Variants in WDHD1 observed in about 807,000 individuals in gnomAD.
WDHD1 encodes the protein WD repeat and HMG-box DNA binding protein 1, also known as WD repeat and HMG-box DNA-binding protein 1.
WDHD1 carries 111 observed loss-of-function variants against 135.4 expected under a neutral mutation model. That is an observed-to-expected ratio of 0.82 (90% confidence interval 0.70 to 0.96). The LOEUF (loss-of-function observed/expected upper bound fraction) is 0.96, where lower values mean the gene tolerates loss of function less well. WDHD1 is among the 40% of genes least tolerant of loss of function. The probability of loss-of-function intolerance (pLI) is 0.00; values close to 1 mark genes in which losing one functional copy is unlikely to be tolerated. For synonymous variants in WDHD1, 434 were observed against 439.0 expected (o/e 0.99, Z 0.14); for missense variants, 1,351 against 1,336.3 (o/e 1.01, Z -0.17).
intron 7 of WDHD1, among the ~76,000 whole-genome samples, chr14:55,006,485 C>T (rs2042071767): frequency 6.6e-6 from 1 of 152,164 alleles, no homozygotes; most frequent in Non-Finnish European, 1.5e-5. Context: ...AATTTTGCTT[C>T]CAGTTACCTT....
At chr14:54,960,661 G>A (rs1157254375) in intron 21 of WDHD1, among the ~76,000 whole-genome samples, 1 of 151,698 alleles carries the variant, frequency 6.6e-6, no homozygotes, top group Admixed American at 6.6e-5. Context: ...CACCATGCCC[G>A]GCTAATTTTT....
At chr14:54,985,794 T>C (rs749927804) in intron 14 of WDHD1, among the ~76,000 whole-genome samples, 16 of 152,176 alleles carry the variant, frequency 1.1e-4, no homozygotes, top group East Asian at 1.9e-4. Flanking sequence ...TTCCATAGAA[T>C]TGACATGATG....
chr14:55,005,993 T>A (rs2042062781), intron 7 of WDHD1, among the ~76,000 whole-genome samples: 1 of 151,980 alleles, frequency 6.6e-6, no homozygotes, highest in Non-Finnish European at 1.5e-5. Context: ...GTCTCCCAAG[T>A]AGATGGGACT....
At chr14:54,993,824 AT>A (rs2041833523) in intron 11 of WDHD1, among the ~76,000 whole-genome samples, 1 of 152,136 alleles carries the variant, frequency 6.6e-6, no homozygotes, top group Admixed American at 6.5e-5. Flanking sequence ...GTGAATAAAT[AT>A]TTTTAAATTT....
At chr14:54,969,791 A>C (rs933135065) in intron 16 of WDHD1, among the ~76,000 whole-genome samples, 3 of 152,192 alleles carry the variant, frequency 2.0e-5, no homozygotes, top group African/African-American at 7.2e-5. Context: ...CACAGATATA[A>C]AAATCCTCAA....
rs536555073 is a variant in WDHD1, at chr14:55,022,443, C to CA, written c.77+4267dup. Among the ~76,000 whole-genome samples, 630 of 152,192 alleles carry CA rather than the reference C, an allele frequency of 4.1e-3. 3 individuals are homozygous for CA. Among genetic ancestry groups the CA allele is most frequent in the Non-Finnish European group, 7.1e-3 (482 of 68,022 alleles). On this transcript the variant is annotated intron_variant, in intron 2 of 25. Coordinates refer to ENST00000360586, the MANE Select transcript of WDHD1 (RefSeq NM_007086.4). ...ATGTTCTTTGTGGCATTTTTCCCCC[C>CA]ACAGAATAGGGCACTTTAGTCTACA...
intron 2 of WDHD1, among the ~76,000 whole-genome samples, chr14:55,023,884 G>A (rs1489707362): frequency 5.9e-5 from 9 of 152,114 alleles, no homozygotes; most frequent in Admixed American, 5.2e-4. Flanking sequence ...TCTCTTGACT[G>A]CGGATGGTCT....
At chr14:54,953,246 A>G (rs1169252727) in intron 24 of WDHD1, among the ~76,000 whole-genome samples, 1 of 152,262 alleles carries the variant, frequency 6.6e-6, no homozygotes, top group Non-Finnish European at 1.5e-5. Context: ...GCTAATATCC[A>G]GAATCTACAA....
rs1939625296 is a variant in WDHD1, at chr14:54,987,396, T to TA, written c.1527-10dup. On this transcript the variant is annotated splice_polypyrimidine_tract_variant and intron_variant, in intron 13 of 25. Transcript: ENST00000360586. ...GCAGGCAGTGAAGCTTGCTAAAAAT[T>TA]AAAACAAGACAGAAACAATCAAACT... 1 of 1,592,304 alleles carries TA rather than the reference T, an allele frequency of 6.3e-7. No individual in the cohort carries two copies. Among genetic ancestry groups the TA allele is most frequent in the Admixed American group, 1.7e-5 (1 of 58,084 alleles).
rs2041277058 is a variant in WDHD1, at chr14:54,962,964, T to C, written c.2519A>G (p.Lys840Arg). Reference sequence around the variant, plus strand: ...AATTATTTCTTACCCAGCATTCAGCTTTTTTCTGAAATCTTCTTCTTCTTC... The same window carrying C: ...AATTATTTCTTACCCAGCATTCAGCCTTTTTCTGAAATCTTCTTCTTCTTC... ...EEEEEEDFRK[K>R]LNAGYSNTAT... is the part of the protein sequence containing the mutation. Residue 840 changes from lysine to arginine, a missense_variant, in exon 19 of 26, where the codon AAG (lysine) becomes AGG (arginine). Transcript: ENST00000360586. The C allele has an allele frequency of 6.2e-7, 1 of 1,613,842 alleles. No homozygotes were observed. Among genetic ancestry groups the C allele is most frequent in the Non-Finnish European group, 8.5e-7 (1 of 1,179,996 alleles).
At chr14:54,985,497 T>C (rs773309396) in intron 14 of WDHD1, among the ~76,000 whole-genome samples, 12 of 151,968 alleles carry the variant, frequency 7.9e-5, no homozygotes, top group Non-Finnish European at 1.3e-4. Flanking sequence ...AGAGATGAGG[T>C]TGGAGAGGCA....
intron 5 of WDHD1, 32 bp from the exon 6 acceptor site, chr14:55,008,398 T>C (rs1247776803): frequency 1.2e-6 from 2 of 1,605,270 alleles, no homozygotes; most frequent in African/African-American, 2.7e-5. Context: ...TTCTCTATAG[T>C]CATAGCCATA....
At chr14:55,006,878 A>T (rs113907952) in intron 7 of WDHD1, among the ~76,000 whole-genome samples, 5 of 152,268 alleles carry the variant, frequency 3.3e-5, no homozygotes, top group South Asian at 2.1e-4. Context: ...AAAAGTAATT[A>T]AAAAAACTAT....
At chr14:55,004,715 A>T in intron 7 of WDHD1, 1 of 353,558 alleles carries the variant, frequency 2.8e-6, no homozygotes. Context: ...AGCCTCCCAA[A>T]GTGCTGGGAT....
rs974037851 is a variant in WDHD1, at chr14:54,966,338, A to AAAC, written c.2310+136_2310+137insGTT. On this transcript the variant is annotated intron_variant, in intron 18 of 25. Coordinates refer to ENST00000360586, the MANE Select transcript of WDHD1 (RefSeq NM_007086.4). ...TGACAGAACGAGACTCCGTCGCACA[A>AAAC]AAAACAACAACAACAACAAAAAAAA... 4.3e-5 allele frequency: 49 copies of AAAC among 1,136,376 alleles called. No homozygotes were observed. In the African/African-American group the frequency reaches 1.0e-3, roughly 24 times the overall value. 70.4% of individuals were successfully genotyped at this position (1,136,376 alleles called of 1,614,324 possible).
rs1201953359 is a variant in WDHD1 at position 54,986,319 on chromosome 14, ATTTCT to A, written c.1768+822_1768+826del. 3.3e-5 allele frequency among the ~76,000 whole-genome samples: 5 copies of A among 152,186 alleles called. No homozygotes were observed. The East Asian group carries it at 7.7e-4, about 23-fold the overall frequency. ...TTTATAGAACAGTTATATAGAATATATTTCTTTTCTTCTGTTTTTCTTTTAAAAAT... is the reference window on the plus strand; with the variant it reads ...TTTATAGAACAGTTATATAGAATATATTTCTTCTGTTTTTCTTTTAAAAAT... On this transcript the variant is annotated intron_variant, in intron 14 of 25. Transcript: ENST00000360586.
At chr14:54,962,250 A>AC (rs1311615360) in intron 21 of WDHD1, among the ~76,000 whole-genome samples, 2 of 152,232 alleles carry the variant, frequency 1.3e-5, no homozygotes, top group East Asian at 1.9e-4. Flanking sequence ...ACAGAGATCA[A>AC]CCACACATGT....
intron 6 of WDHD1, among the ~76,000 whole-genome samples, 178 bp from the exon 7 acceptor site, chr14:55,007,553 T>A (rs909977281): frequency 6.6e-6 from 1 of 152,156 alleles, no homozygotes; most frequent in Admixed American, 6.5e-5. Context: ...CCTTCAAAGG[T>A]ATGATGAGTA....
At chr14:54,978,918 AGAACT>A (rs2041572019) in intron 16 of WDHD1, among the ~76,000 whole-genome samples, 1 of 152,164 alleles carries the variant, frequency 6.6e-6, no homozygotes, top group African/African-American at 2.4e-5. Context: ...TTCCCTTTCC[AGAACT>A]GATGAAATGT....
Sources: gnomAD v4.1 joint callset for allele counts (sites outside exome capture counted in the v4.1 genomes callset) on GRCh38, gnomAD v4.1.1 for gene constraint, MANE v1.5 for transcripts, NCBI Gene and HGNC (gene_info 2026-07-23, HGNC 2026-07-21) for gene names.